Variants in LRRTM4 observed in about 807,000 individuals in gnomAD.
LRRTM4 encodes the protein leucine-rich repeat transmembrane neuronal protein 4.
In LRRTM4, 25 loss-of-function variants were observed where a neutral mutation model predicts 47.6. The observed-to-expected ratio is 0.53, with a 90% CI of 0.38 to 0.73. The LOEUF (loss-of-function observed/expected upper bound fraction) is 0.73. Ranked by LOEUF, LRRTM4 falls within the 30% of genes least tolerant of loss-of-function variation. The probability of loss-of-function intolerance (pLI) is 0.00; values close to 1 mark genes in which losing one functional copy is unlikely to be tolerated. For synonymous variants in LRRTM4, 311 were observed against 269.5 expected (o/e 1.15, Z -1.51); for missense variants, 638 against 713.4 (o/e 0.89, Z 1.20).
chr2:77,244,907 A>G (rs1364235165), intron 3 of LRRTM4, among the ~76,000 whole-genome samples: 5 of 152,154 alleles, frequency 3.3e-5, no homozygotes, highest in Admixed American at 1.3e-4. Context: ...AGTAACTTTG[A>G]AAGCAGATAC....
intron 3 of LRRTM4, among the ~76,000 whole-genome samples, chr2:76,825,247 C>G (rs556494454): frequency 6.6e-6 from 1 of 151,762 alleles, no homozygotes; most frequent in African/African-American, 2.4e-5. Flanking sequence ...GGGTGGAGAA[C>G]TGGGCTGCCA....
intron 3 of LRRTM4, among the ~76,000 whole-genome samples, chr2:77,480,819 T>TA (rs1411800584): frequency 2.0e-5 from 2 of 101,680 alleles, no homozygotes; most frequent in African/African-American, 8.6e-5. Flanking sequence ...TGTGTGTGTG[T>TA]GTGGAGAGAG....
intron 3 of LRRTM4, among the ~76,000 whole-genome samples, chr2:77,245,993 A>C (rs1675435978): frequency 6.6e-6 from 1 of 152,192 alleles, no homozygotes; most frequent in Non-Finnish European, 1.5e-5. Flanking sequence ...ATTAATCTCA[A>C]ATGCCACTAA....
intron 3 of LRRTM4, among the ~76,000 whole-genome samples, chr2:76,940,722 G>A (rs9309507): frequency 2.0e-5 from 3 of 151,940 alleles, no homozygotes; most frequent in East Asian, 1.9e-4. Flanking sequence ...TACTATGTAC[G>A]TCAGAAAGAG....
At chr2:76,951,108 T>C (rs1294548843) in intron 3 of LRRTM4, among the ~76,000 whole-genome samples, 3 of 151,912 alleles carry the variant, frequency 2.0e-5, no homozygotes, top group Non-Finnish European at 4.4e-5. Flanking sequence ...AAAAGTCAAA[T>C]GATAGATTGG....
At chr2:77,261,573 T>G (rs894588645) in intron 3 of LRRTM4, among the ~76,000 whole-genome samples, 2 of 151,956 alleles carry the variant, frequency 1.3e-5, no homozygotes, top group African/African-American at 4.8e-5. Context: ...TCTTTATTAT[T>G]TTTTTTAATT....
At chr2:76,840,700 AAGAG>A (rs1168830751) in intron 3 of LRRTM4, among the ~76,000 whole-genome samples, 8 of 152,282 alleles carry the variant, frequency 5.3e-5, no homozygotes, top group East Asian at 1.9e-4. Flanking sequence ...AAGAAAACAA[AAGAG>A]AGAGAGAAAG....
At chr2:76,979,077 G>T (rs374218553) in intron 3 of LRRTM4, among the ~76,000 whole-genome samples, 1 of 152,100 alleles carries the variant, frequency 6.6e-6, no homozygotes, top group African/African-American at 2.4e-5. Context: ...ATGCTAAGTG[G>T]TCAATGAGGA....
At chr2:77,445,755 C>T (rs989587585) in intron 3 of LRRTM4, among the ~76,000 whole-genome samples, 11 of 152,018 alleles carry the variant, frequency 7.2e-5, no homozygotes, top group African/African-American at 2.4e-4. Flanking sequence ...TACCATTTTC[C>T]ATTTCCTAGT....
In LRRTM4 at chr2:76,929,925, T is replaced by TTGTGTGTGTG. The variant is rs3055992; in HGVS notation, c.1552-181019_1552-181010dup. 1.2e-3 allele frequency among the ~76,000 whole-genome samples: 182 copies of TTGTGTGTGTG among 149,308 alleles called. 1 individual carries two copies. Among genetic ancestry groups the TTGTGTGTGTG allele is most frequent in the African/African-American group, 4.0e-3 (162 of 40,646 alleles). On this transcript the variant is annotated intron_variant, in intron 3 of 3. Coordinates refer to ENST00000409884, the MANE Select transcript of LRRTM4 (RefSeq NM_001134745.3). ...AAAATGTGATAATTGCAATTAGAGT[T>TTGTGTGTGTG]TGTGTGTGTGTGTGTGTGTGTGTGT... is the stretch of plus-strand genomic sequence containing the variant.
intron 3 of LRRTM4, among the ~76,000 whole-genome samples, chr2:76,856,301 A>C (rs1280639960): frequency 1.3e-5 from 2 of 152,126 alleles, no homozygotes; most frequent in African/African-American, 4.8e-5. Flanking sequence ...AGAGAGATAA[A>C]AAAAAGTATA....
At chr2:77,273,131 A>G (rs565771424) in intron 3 of LRRTM4, among the ~76,000 whole-genome samples, 4 of 152,274 alleles carry the variant, frequency 2.6e-5, no homozygotes, top group South Asian at 4.1e-4. Context: ...TGGGACATCC[A>G]TTAAAGTCAA....
intron 3 of LRRTM4, among the ~76,000 whole-genome samples, chr2:76,853,147 G>A (rs1384260465): frequency 3.9e-5 from 6 of 152,048 alleles, no homozygotes; most frequent in Non-Finnish European, 7.4e-5. Context: ...GGTTAGCAGA[G>A]GTTTGATGCA....
At chr2:77,511,915 C>T (rs919646662) in intron 3 of LRRTM4, among the ~76,000 whole-genome samples, 2 of 152,182 alleles carry the variant, frequency 1.3e-5, no homozygotes, top group South Asian at 2.1e-4. Flanking sequence ...ACAAACCTTA[C>T]GTAAGTAAAC....
rs143316081 is a variant in LRRTM4 at position 77,422,942 on chromosome 2, A to C, written c.1551+95376T>G. Among the ~76,000 whole-genome samples, 3 of 152,272 alleles carry C rather than the reference A, an allele frequency of 2.0e-5. No individual in the cohort carries two copies. The East Asian group carries it at 5.8e-4, about 29-fold the overall frequency. On this transcript the variant is annotated intron_variant, in intron 3 of 3. Transcript: ENST00000409884. ...TTTAATCCCTACTGTAGTCATATTAAGGGAAAAAACATATAATGAAATAGC... is the reference window on the plus strand; with the variant it reads ...TTTAATCCCTACTGTAGTCATATTACGGGAAAAAACATATAATGAAATAGC...
At chr2:76,766,938 T>C (rs1673479332) in intron 3 of LRRTM4, among the ~76,000 whole-genome samples, 1 of 152,198 alleles carries the variant, frequency 6.6e-6, no homozygotes, top group South Asian at 2.1e-4. Context: ...GCTATAAATA[T>C]AGATCTTGCT....
At chr2:77,049,120 TTTTATATATATATATATATATATATA>T (rs1191979706) in intron 3 of LRRTM4, among the ~76,000 whole-genome samples, 3 of 66,474 alleles carry the variant, frequency 4.5e-5, no homozygotes, top group African/African-American at 3.1e-4. Context: ...ATATTTCATT[TTTTATATATATATATATATATATATA>T]TATATATATA....
chr2:76,992,776 C>A (rs1677054621), intron 3 of LRRTM4, among the ~76,000 whole-genome samples: 1 of 148,102 alleles, frequency 6.8e-6, no homozygotes, highest in Admixed American at 6.8e-5. Flanking sequence ...AAAAACTATT[C>A]TAAAATTCAT....
At chr2:76,823,461 C>T (rs146424734) in intron 3 of LRRTM4, among the ~76,000 whole-genome samples, 1 of 151,410 alleles carries the variant, frequency 6.6e-6, no homozygotes, top group Non-Finnish European at 1.5e-5. Flanking sequence ...TCTGAGTATA[C>T]AAGCAAAATT....
Sources: gnomAD v4.1 joint callset for allele counts (sites outside exome capture counted in the v4.1 genomes callset) on GRCh38, gnomAD v4.1.1 for gene constraint, MANE v1.5 for transcripts, NCBI Gene and HGNC (gene_info 2026-07-23, HGNC 2026-07-21) for gene names.